PDS5A: variants seen among roughly 807,000 people sequenced by gnomAD.
PDS5A encodes PDS5 cohesin associated factor A, also known as sister chromatid cohesion protein PDS5 homolog A.
PDS5A carries 42 observed loss-of-function variants against 167.1 expected under a neutral mutation model. The ratio of observed to expected loss-of-function variants is 0.25; its 90% CI spans 0.20 to 0.33. PDS5A has a LOEUF of 0.33. PDS5A is among the 10% of genes least tolerant of loss of function. The pLI is 1.00. For synonymous variants in PDS5A, 553 were observed against 554.6 expected (o/e 1.00, Z 0.04); for missense variants, 1,033 against 1,605.9 (o/e 0.64, Z 6.10).
intron 2 of PDS5A, among the ~76,000 whole-genome samples, chr4:39,958,415 G>T (rs1047374462): frequency 6.0e-5 from 9 of 150,358 alleles, no homozygotes; most frequent in Admixed American, 1.3e-4. Flanking sequence ...GCTGAGCCAG[G>T]AGAATCGCTT....
At chr4:39,863,159 AAAG>A in intron 24 of PDS5A, 86 bp from the exon 25 acceptor site, 3 of 1,072,922 alleles carry the variant, frequency 2.8e-6, no homozygotes, top group South Asian at 2.9e-5. Flanking sequence ...CTTCAATTAA[AAAG>A]AAGATAATTA....
intron 2 of PDS5A, among the ~76,000 whole-genome samples, chr4:39,960,311 A>G (rs1237105783): frequency 1.3e-5 from 2 of 152,122 alleles, no homozygotes; most frequent in Non-Finnish European, 2.9e-5. Flanking sequence ...AAACACATAT[A>G]TTATGGAAGT....
intron 32 of PDS5A, among the ~76,000 whole-genome samples, chr4:39,836,613 C>CTTTTTTTTT (rs1299199760): frequency 2.5e-5 from 2 of 78,680 alleles, no homozygotes; most frequent in East Asian, 3.1e-4. Flanking sequence ...GGATTTTTTT[C>CTTTTTTTTT]TATTTTTTTT....
chr4:39,920,326 A>C lies in PDS5A; in HGVS notation c.728T>G (p.Ile243Ser). ...KRTVQTIEAC[I>S]ANFFNQVLVL... ...ATAGAAAGAAATACATACATTAGCA[A>C]TGCATGCCTCAATAGTCTGGACTGT... Residue 243 changes from isoleucine (I) to serine (S), a missense_variant, in exon 7 of 33, where the codon ATT becomes AGT. Ile to Ser is a moderately radical substitution (Grantham distance 142, BLOSUM62 -2). Transcript: ENST00000303538. 2.1e-6 allele frequency: 3 copies of C among 1,426,220 alleles called. No individual in the cohort carries two copies. The highest frequency in any genetic ancestry group is 2.3e-5 in the East Asian group (1 of 43,260). 88.3% of individuals were successfully genotyped at this position (1,426,220 alleles called of 1,614,324 possible).
chr4:39,962,758 C>T (rs912271148), intron 2 of PDS5A, among the ~76,000 whole-genome samples: 2 of 151,996 alleles, frequency 1.3e-5, no homozygotes, highest in Non-Finnish European at 2.9e-5. Context: ...GAACACACCA[C>T]TGCACTCCAG....
chr4:39,830,299 C>T (rs1432971276), intron 32 of PDS5A, among the ~76,000 whole-genome samples: 1 of 152,204 alleles, frequency 6.6e-6, no homozygotes, highest in Non-Finnish European at 1.5e-5. Flanking sequence ...AAGCAATCCT[C>T]CTGCCACAGC....
chr4:39,863,753 T>C (rs1024705003), intron 23 of PDS5A, among the ~76,000 whole-genome samples: 9 of 152,146 alleles, frequency 5.9e-5, no homozygotes, highest in Admixed American at 1.3e-4. Flanking sequence ...CTTGCAACCA[T>C]AGTAATTGCA....
chr4:39,842,937 A>ATATATATATATATATATATATT (rs1433177642), intron 30 of PDS5A, among the ~76,000 whole-genome samples: 14 of 139,740 alleles, frequency 1.0e-4, no homozygotes, highest in East Asian at 2.1e-4. Flanking sequence ...ATATATATAT[A>ATATATATATATATATATATATT]TTTTAAGAGA....
At chr4:39,957,400 C>T (rs1729024816) in intron 2 of PDS5A, among the ~76,000 whole-genome samples, 1 of 152,036 alleles carries the variant, frequency 6.6e-6, no homozygotes, top group Non-Finnish European at 1.5e-5. Flanking sequence ...ATGTTGCTAG[C>T]CACTCTTTAA....
In PDS5A at chr4:39,826,108, A is replaced by T. The variant is rs1437119935; in HGVS notation, c.4011-620T>A. Among the ~76,000 whole-genome samples, 4 of 152,276 alleles carry T rather than the reference A, an allele frequency of 2.6e-5. No homozygotes were observed. In the East Asian group the frequency reaches 7.7e-4, roughly 29 times the overall value. ...ATGGCAAAATGAATTTATAAGCAGC[A>T]AAATAACTTCTGACTCATGAGCTGG... On this transcript the variant is annotated intron_variant, in intron 32 of 32. Transcript: ENST00000303538.
intron 22 of PDS5A, among the ~76,000 whole-genome samples, chr4:39,867,584 G>T (rs1264507155): frequency 6.6e-6 from 1 of 151,426 alleles, no homozygotes; most frequent in Non-Finnish European, 1.5e-5. Context: ...GTCAGGCATG[G>T]TGGCACACGC....
intron 26 of PDS5A, among the ~76,000 whole-genome samples, chr4:39,857,689 G>A (rs1718650532): frequency 1.3e-5 from 2 of 152,130 alleles, no homozygotes. Flanking sequence ...GGTCAATCCA[G>A]CAAGAAAATG....
intron 11 of PDS5A, 145 bp from the exon 12 acceptor site, chr4:39,904,336 A>T: frequency 2.1e-6 from 1 of 475,158 alleles, no homozygotes; most frequent in Middle Eastern, 3.8e-4. Flanking sequence ...GAGGCTTTAC[A>T]AACAATTTTA....
In PDS5A at chr4:39,873,148, T is replaced by C. The variant is rs1189895009; in HGVS notation, c.2278-4A>G. On this transcript the variant is annotated splice_region_variant and splice_polypyrimidine_tract_variant and intron_variant, in intron 20 of 32. Coordinates refer to ENST00000303538, the MANE Select transcript of PDS5A (RefSeq NM_001100399.2). ...CATTCAGACTCCTACTGAGTGGCTA[T>C]AAAAATAAAACAGACAAAATTACCA... 6.8e-7 allele frequency: 1 copy of C among 1,464,548 alleles called. No individual in the cohort carries two copies. Among genetic ancestry groups the C allele is most frequent in the South Asian group, 1.5e-5 (1 of 65,724 alleles). The allele number at this position is 1,464,548 out of a possible 1,614,324, so 90.7% of individuals were successfully genotyped here.
At position 39,907,117 on chromosome 4, in the gene PDS5A, T is replaced by A. The variant is rs144558128; in HGVS notation, c.1233+1278A>T. 4.4e-3 allele frequency among the ~76,000 whole-genome samples: 674 copies of A among 152,176 alleles called. 6 individuals carry two copies. Among genetic ancestry groups the A allele is most frequent in the African/African-American group, 0.016 (652 of 41,520 alleles). ...TCATTTATTCAACTTTCTGAAACTA[T>A]GAAAAAACTGTAATAGTAGTGAAAC... On this transcript the variant is annotated intron_variant, in intron 11 of 32. Transcript: ENST00000303538.
intron 17 of PDS5A, among the ~76,000 whole-genome samples, chr4:39,887,619 T>C (rs373489174): frequency 3.3e-5 from 5 of 152,340 alleles, no homozygotes; most frequent in East Asian, 3.9e-4. Context: ...ATGAAACTAC[T>C]AGCAGAAAAT....
At chr4:39,914,601 CA>C (rs1295638967) in intron 8 of PDS5A, among the ~76,000 whole-genome samples, 2 of 152,102 alleles carry the variant, frequency 1.3e-5, no homozygotes, top group Non-Finnish European at 2.9e-5. Flanking sequence ...TATAAAAAAG[CA>C]AAACTTCATT....
At chr4:39,826,280 C>T (rs1190573465) in intron 32 of PDS5A, among the ~76,000 whole-genome samples, 3 of 151,258 alleles carry the variant, frequency 2.0e-5, no homozygotes, top group Admixed American at 1.3e-4. Context: ...TTCTCACCTC[C>T]TCTCACCTAC....
At chr4:39,907,767 T>C (rs928213191) in intron 11 of PDS5A, among the ~76,000 whole-genome samples, 57 of 152,098 alleles carry the variant, frequency 3.7e-4, no homozygotes, top group African/African-American at 1.3e-3. Flanking sequence ...TTTGTATTTT[T>C]AGTAGAGACG....
Sources: allele counts gnomAD v4.1 joint callset (sites outside exome capture counted in the v4.1 genomes callset), GRCh38; gene constraint gnomAD v4.1.1; transcripts MANE v1.5; gene names NCBI Gene and HGNC (gene_info 2026-07-23, HGNC 2026-07-21).